Variants in LAMA2 observed in about 807,000 individuals in gnomAD.
LAMA2 encodes the protein laminin subunit alpha-2.
LAMA2 carries 269 observed loss-of-function variants against 364.8 expected under a neutral mutation model. The observed-to-expected ratio is 0.74, with a 90% confidence interval of 0.67 to 0.82. The LOEUF (loss-of-function observed/expected upper bound fraction) is 0.82, where lower values mean the gene tolerates loss of function less well. LAMA2 is among the 40% of genes least tolerant of loss of function. The probability of loss-of-function intolerance (pLI) is 0.00; values close to 1 mark genes in which losing one functional copy is unlikely to be tolerated. For synonymous variants in LAMA2, 1,379 were observed against 1,370.6 expected, an observed-to-expected ratio of 1.01 and a Z score of -0.14; for missense variants, 3,807 against 3,873.2, an observed-to-expected ratio of 0.98 and a Z score of 0.45.
At chr6:129,172,447 G>C (rs1022349195) in intron 9 of LAMA2, among the ~76,000 whole-genome samples, 11 of 152,220 alleles carry the variant, frequency 7.2e-5, no homozygotes, top group Admixed American at 5.9e-4. Flanking sequence ...TGAGGTGTCA[G>C]TGTGCCCCTG....
intron 15 of LAMA2, among the ~76,000 whole-genome samples, chr6:129,264,532 C>T (rs1047641839): frequency 1.3e-5 from 2 of 151,836 alleles, no homozygotes; most frequent in African/African-American, 2.4e-5. Flanking sequence ...TTTTGGAAGG[C>T]GTCATAAACT....
chr6:129,372,848 G>A (rs1778163898), intron 34 of LAMA2, among the ~76,000 whole-genome samples: 1 of 152,166 alleles, frequency 6.6e-6, no homozygotes, highest in Non-Finnish European at 1.5e-5. Flanking sequence ...TCTAATAAGT[G>A]TGTATGGTAT....
chr6:129,325,080 C>T (rs1775192907), intron 28 of LAMA2, among the ~76,000 whole-genome samples: 1 of 152,200 alleles, frequency 6.6e-6, no homozygotes, highest in African/African-American at 2.4e-5. Flanking sequence ...CAGTGTGCAG[C>T]CCTGAGCCTA....
intron 3 of LAMA2, among the ~76,000 whole-genome samples, chr6:129,068,088 G>C (rs1257535732): frequency 2.0e-5 from 3 of 152,118 alleles, no homozygotes; most frequent in South Asian, 2.1e-4. Context: ...TAAGCACTTA[G>C]AATAGTGCAC....
intron 1 of LAMA2, among the ~76,000 whole-genome samples, chr6:129,011,892 A>G (rs760866095): frequency 1.3e-5 from 2 of 152,224 alleles, no homozygotes; most frequent in Non-Finnish European, 2.9e-5. Flanking sequence ...TATGTTTTTG[A>G]TAAGTTTTAT....
chr6:128,986,890 T>C (rs1783273434), intron 1 of LAMA2, among the ~76,000 whole-genome samples: 1 of 152,110 alleles, frequency 6.6e-6, no homozygotes, highest in Non-Finnish European at 1.5e-5. Flanking sequence ...AAATAAGTTA[T>C]ATTCAGAGAC....
intron 40 of LAMA2, among the ~76,000 whole-genome samples, chr6:129,422,107 G>A (rs148730778): frequency 5.1e-4 from 77 of 151,972 alleles, no homozygotes; most frequent in Non-Finnish European, 1.0e-3. Context: ...ACAAACTTAG[G>A]GAGCTGAAAT....
At chr6:129,213,719 T>C (rs1028983363) in intron 12 of LAMA2, among the ~76,000 whole-genome samples, 2 of 152,206 alleles carry the variant, frequency 1.3e-5, no homozygotes, top group African/African-American at 4.8e-5. Context: ...TTAAATTTAT[T>C]TTCTTGTTGT....
chr6:129,327,852 C>T (rs1341583473), intron 28 of LAMA2, among the ~76,000 whole-genome samples: 2 of 152,092 alleles, frequency 1.3e-5, no homozygotes, highest in South Asian at 4.2e-4. Flanking sequence ...GCATCCATAA[C>T]ACTTTTTATT....
chr6:129,296,021 A>G (rs1009469242), intron 20 of LAMA2, among the ~76,000 whole-genome samples: 2 of 151,810 alleles, frequency 1.3e-5, no homozygotes, highest in Non-Finnish European at 2.9e-5. Flanking sequence ...GTATTTATAT[A>G]GTTTCATATT....
chr6:129,171,592 C>T (rs1331200629), intron 9 of LAMA2, among the ~76,000 whole-genome samples: 1 of 151,682 alleles, frequency 6.6e-6, no homozygotes, highest in African/African-American at 2.4e-5. Flanking sequence ...ACCTTTCTCT[C>T]TGGCTGCCCT....
chr6:129,036,354 C>A (rs1360770275), intron 1 of LAMA2, among the ~76,000 whole-genome samples: 11 of 152,196 alleles, frequency 7.2e-5, no homozygotes, highest in Non-Finnish European at 4.4e-5. Context: ...TTAATAAAAT[C>A]TAATACTGCT....
chr6:129,321,243 A>G (rs1774947668), intron 28 of LAMA2, among the ~76,000 whole-genome samples: 1 of 152,110 alleles, frequency 6.6e-6, no homozygotes, highest in South Asian at 2.1e-4. Context: ...ATTTCTTAGG[A>G]TCTAATTTCT....
intron 35 of LAMA2, 86 bp downstream of exon 35, chr6:129,383,319 T>A: frequency 9.7e-7 from 1 of 1,034,688 alleles, no homozygotes; most frequent in Non-Finnish European, 1.5e-6. Context: ...ATTTCTCTTG[T>A]TATAAGTGAC....
chr6:128,920,243 C>T (rs1778606310), intron 1 of LAMA2, among the ~76,000 whole-genome samples: 1 of 151,920 alleles, frequency 6.6e-6, no homozygotes, highest in African/African-American at 2.4e-5. Flanking sequence ...CTGCAACCTC[C>T]ACCTCCCGGG....
chr6:129,413,544 A>G (rs752858568), intron 40 of LAMA2, among the ~76,000 whole-genome samples: 6 of 152,210 alleles, frequency 3.9e-5, no homozygotes, highest in Non-Finnish European at 8.8e-5. Flanking sequence ...AGCAAGTATC[A>G]GCAAATCCTA....
chr6:129,480,394 A>G (rs998803002), intron 54 of LAMA2, among the ~76,000 whole-genome samples: 1 of 152,156 alleles, frequency 6.6e-6, no homozygotes, highest in East Asian at 1.9e-4. Context: ...CATAAAGTAG[A>G]AAGTCCTCCT....
chr6:129,087,419 A>G (rs4538727), intron 3 of LAMA2, among the ~76,000 whole-genome samples: 74,164 of 152,074 alleles, frequency 0.49, 21,377 homozygotes, highest in East Asian at 0.81. Context: ...GCAGGGGCGC[A>G]CATACAGGGG....
chr6:128,957,230 C>T (rs543472700), intron 1 of LAMA2, among the ~76,000 whole-genome samples: 1 of 152,140 alleles, frequency 6.6e-6, no homozygotes, highest in South Asian at 2.1e-4. Flanking sequence ...GGTATTTGGA[C>T]TCCAGTACTA....
Sources: allele counts gnomAD v4.1 joint callset (sites outside exome capture counted in the v4.1 genomes callset), GRCh38; gene constraint gnomAD v4.1.1; transcripts MANE v1.5; gene names NCBI Gene and HGNC (gene_info 2026-07-23, HGNC 2026-07-21).